CHST10: variants seen among roughly 807,000 people sequenced by gnomAD.
CHST10 encodes carbohydrate sulfotransferase 10.
In CHST10, 24 loss-of-function variants were observed where a neutral mutation model predicts 34.7. The ratio of observed to expected loss-of-function variants is 0.69; its 90% CI spans 0.50 to 0.97. The LOEUF (loss-of-function observed/expected upper bound fraction) is 0.97. Ranked by LOEUF, CHST10 falls within the 50% of genes least tolerant of loss-of-function variation. The pLI is 0.00. For missense variants in CHST10, 402 were observed against 452.1 expected (o/e 0.89, Z 1.00); for synonymous variants, 161 against 169.3 (o/e 0.95, Z 0.38).
chr2:100,406,431 G>T, intron 3 of CHST10, 145 bp downstream of exon 3: 1 of 980,694 alleles, frequency 1.0e-6, no homozygotes. Context: ...TAACATGAAG[G>T]AACGGAGGCC....
Position 100,406,809 on chromosome 2 carries a change from A to T in CHST10, c.-32-102T>A. On this transcript the variant is annotated intron_variant, in intron 2 of 6. Coordinates refer to ENST00000264249, the MANE Select transcript of CHST10 (RefSeq NM_004854.5). ...ATTTCAGTCAGTAAGTATCAGCACA[A>T]ATATTTCCGTTTTTTTCCACTGCTA... 3 of 1,454,258 alleles carry T rather than the reference A, an allele frequency of 2.1e-6. No homozygotes were observed. In the South Asian group the frequency reaches 4.0e-5, roughly 19 times the overall value. 90.1% of individuals were successfully genotyped at this position (1,454,258 alleles called of 1,614,324 possible). A position where few individuals can be genotyped will look rare whatever the true frequency, so the allele number is the denominator to read the frequency against.
rs371384767 is a variant in CHST10, at chr2:100,402,404, A to G, written c.192+160T>C. Among the ~76,000 whole-genome samples the G allele has an allele frequency of 2.0e-5, 3 of 152,204 alleles. No homozygotes were observed. In the East Asian group the frequency reaches 5.8e-4, roughly 29 times the overall value. ...ATAGACGTGACCTGTGCCTCTCCCA[A>G]ATGGAAATTAACAAGGTGAACTAAC... On this transcript the variant is annotated intron_variant, in intron 4 of 6. Transcript: ENST00000264249.
rs550981834 is a variant in CHST10, at chr2:100,392,605, T to C, written c.*640A>G. 6.4e-6 allele frequency: 1 copy of C among 155,462 alleles called. No individual in the cohort carries two copies. Among genetic ancestry groups the C allele is most frequent in the South Asian group, 2.0e-4 (1 of 4,974 alleles). 9.6% of individuals were successfully genotyped at this position (155,462 alleles called of 1,614,324 possible). On this transcript the variant is annotated 3_prime_UTR_variant, in exon 7 of 7. Transcript: ENST00000264249. ...TGGACCAGCATTACACAGGCATGGA[T>C]TCTGGAAAGATGGACCCCTGGACAC...
Position 100,392,797 on chromosome 2 carries a change from T to TAGA in CHST10, c.*447_*448insTCT. 1 of 173,866 alleles carries TAGA rather than the reference T, an allele frequency of 5.8e-6. No homozygotes were observed. Among genetic ancestry groups the TAGA allele is most frequent in the South Asian group, 1.5e-4 (1 of 6,708 alleles). 10.8% of individuals were successfully genotyped at this position (173,866 alleles called of 1,614,324 possible). On this transcript the variant is annotated 3_prime_UTR_variant, in exon 7 of 7. Transcript: ENST00000264249. ...TCTGCGATTTCAGCAGCCCCCTTGC[T>TAGA]TCTCTGTCCCTCCTCAGAGTCCTGG...
chr2:100,396,078 A>T (rs966901387), intron 5 of CHST10, among the ~76,000 whole-genome samples: 1 of 152,234 alleles, frequency 6.6e-6, no homozygotes, highest in African/African-American at 2.4e-5. Flanking sequence ...CCCATCCCAT[A>T]GACAGGCTAA....
chr2:100,403,752 T>TA (rs1430297984), intron 3 of CHST10, among the ~76,000 whole-genome samples: 2 of 152,204 alleles, frequency 1.3e-5, no homozygotes, highest in Non-Finnish European at 2.9e-5. Context: ...CCGTGTCTGT[T>TA]ATTTCCTGGT....
rs1441925232 is a variant in CHST10 at position 100,397,998 on chromosome 2, T to G, written c.337A>C (p.Ile113Leu). The G allele has an allele frequency of 6.2e-7, 1 of 1,614,178 alleles. No individual in the cohort carries two copies. Among genetic ancestry groups the G allele is most frequent in the Non-Finnish European group, 8.5e-7 (1 of 1,180,024 alleles). Residue 113 changes from isoleucine (I) to leucine (L), a missense_variant, in exon 5 of 7, where the codon ATA becomes CTA. Coordinates refer to ENST00000264249, the MANE Select transcript of CHST10 (RefSeq NM_004854.5). The part of the protein sequence containing the change: ...TPVSKFVLDR[I>L]FVCDKHKILF... Reference sequence around the variant, plus strand: ...ATCTTGTGCTTGTCACAGACAAATATTCGGTCCAGGACAAACTTGGAGACA... The same window carrying G: ...ATCTTGTGCTTGTCACAGACAAATAGTCGGTCCAGGACAAACTTGGAGACA...
At chr2:100,402,479 G>A (rs1481473572) in intron 4 of CHST10, 85 bp downstream of exon 4, 7 of 1,037,040 alleles carry the variant, frequency 6.7e-6, no homozygotes, top group African/African-American at 1.6e-5. Flanking sequence ...GATGACAAGC[G>A]GAACCAGCCA....
chr2:100,393,878 G>A (rs1020144789), intron 6 of CHST10, 96 bp from the exon 7 acceptor site: 30 of 961,576 alleles, frequency 3.1e-5, no homozygotes, highest in Non-Finnish European at 4.5e-5. Flanking sequence ...GCAGCACTGT[G>A]TATGGGACCC....
intron 1 of CHST10, chr2:100,417,084 C>T (rs1010131391): frequency 4.6e-6 from 6 of 1,299,904 alleles, no homozygotes; most frequent in Non-Finnish European, 6.1e-6. Flanking sequence ...CAATTACAAA[C>T]GCAAATTCTC....
chr2:100,412,943 T>C (rs992900179), intron 2 of CHST10, among the ~76,000 whole-genome samples: 1 of 152,204 alleles, frequency 6.6e-6, no homozygotes, highest in Non-Finnish European at 1.5e-5. Flanking sequence ...CCCATTTTTT[T>C]TTAAAAGAGA....
intron 2 of CHST10, chr2:100,408,144 G>A (rs996480848): frequency 6.6e-6 from 1 of 151,694 alleles, no homozygotes; most frequent in African/African-American, 2.4e-5. Flanking sequence ...TATAAAGTAT[G>A]TCCCAAATAT....
intron 3 of CHST10, among the ~76,000 whole-genome samples, chr2:100,403,118 GA>G (rs1437499714): frequency 2.0e-5 from 3 of 152,152 alleles, no homozygotes; most frequent in Non-Finnish European, 2.9e-5. Flanking sequence ...AATCTAATTA[GA>G]AAATAGGTAC....
At chr2:100,415,229 T>C (rs553302172) in intron 1 of CHST10, 118 bp from the exon 2 acceptor site, 11 of 466,052 alleles carry the variant, frequency 2.4e-5, no homozygotes, top group Admixed American at 4.3e-5. Context: ...GATTCAAATA[T>C]ATTTGGCAGA....
At chr2:100,402,324 C>T (rs896133671) in intron 4 of CHST10, among the ~76,000 whole-genome samples, 7 of 152,202 alleles carry the variant, frequency 4.6e-5, no homozygotes, top group African/African-American at 1.7e-4. Flanking sequence ...GAATGCTGCA[C>T]AACCAACAGT....
Position 100,397,734 on chromosome 2 carries a change from A to C in CHST10, c.427+174T>G, listed in dbSNP as rs35353244. ...ATCGGTGTCTAAACGAGCCCCACTA[A>C]CTTGTAAGGCACAACACTAACAGGA... On this transcript the variant is annotated intron_variant, in intron 5 of 6. Transcript: ENST00000264249. 8.5e-3 allele frequency among the ~76,000 whole-genome samples: 1,292 copies of C among 152,160 alleles called. 25 individuals are homozygous for C. The highest frequency in any genetic ancestry group is 0.03 in the African/African-American group (1,235 of 41,492).
chr2:100,392,102 T>C lies in CHST10; in HGVS notation c.*1143A>G, dbSNP rs1389869647. 1 of 152,710 alleles carries C rather than the reference T, an allele frequency of 6.5e-6. No homozygotes were observed. Among genetic ancestry groups the C allele is most frequent in the African/African-American group, 2.4e-5 (1 of 41,444 alleles). The allele number at this position is 152,710 out of a possible 1,614,324, so 9.5% of individuals were successfully genotyped here. On this transcript the variant is annotated 3_prime_UTR_variant, in exon 7 of 7. Coordinates refer to ENST00000264249, the MANE Select transcript of CHST10 (RefSeq NM_004854.5). ...TTGCCCTGCACCAGGGCCTACCTTG[T>C]TGCCAGGAAGCCGCACTGCTGGAGG...
chr2:100,414,961 G>C (rs1369874039), intron 2 of CHST10, 80 bp downstream of exon 2: 34 of 978,380 alleles, frequency 3.5e-5, no homozygotes, highest in Non-Finnish European at 4.6e-5. Flanking sequence ...TTTACAATCT[G>C]CACAGGCAAG....
intron 3 of CHST10, among the ~76,000 whole-genome samples, chr2:100,403,675 G>A (rs7575422): frequency 0.13 from 20,305 of 152,124 alleles, 3,495 homozygotes; most frequent in African/African-American, 0.39. Context: ...GGAGCAGCCC[G>A]GGAGCACTGA....
Sources: gnomAD v4.1 joint callset for allele counts (sites outside exome capture counted in the v4.1 genomes callset) on GRCh38, gnomAD v4.1.1 for gene constraint, MANE v1.5 for transcripts, NCBI Gene and HGNC (gene_info 2026-07-23, HGNC 2026-07-21) for gene names.